Variants in ENOX1 observed in about 807,000 individuals in gnomAD.
ENOX1 encodes candidate growth-related and time keeping constitutive hydroquinone (NADH) oxidase.
ENOX1 carries 42 observed loss-of-function variants against 82.5 expected under a neutral mutation model. The ratio of observed to expected loss-of-function variants is 0.51; its 90% CI spans 0.40 to 0.66. The LOEUF is 0.66. Among genes scored for constraint, ENOX1 ranks in the 30% least tolerant of loss-of-function variants. The pLI is 0.00. For synonymous variants in ENOX1, 271 were observed against 282.2 expected, an observed-to-expected ratio of 0.96 and a Z score of 0.40; for missense variants, 608 against 811.6, an observed-to-expected ratio of 0.75 and a Z score of 3.05.
intron 3 of ENOX1, among the ~76,000 whole-genome samples, chr13:43,463,674 C>G (rs576052351): frequency 6.6e-5 from 10 of 152,304 alleles, no homozygotes; most frequent in African/African-American, 2.4e-4. Flanking sequence ...AAATACCCAA[C>G]CCCTCTCAAT....
At chr13:43,350,736 C>T (rs911150656) in intron 8 of ENOX1, among the ~76,000 whole-genome samples, 15 of 152,216 alleles carry the variant, frequency 9.9e-5, no homozygotes, top group African/African-American at 1.9e-4. Flanking sequence ...TGAGCCACTA[C>T]GCCCGGCTGG....
At chr13:43,287,619 T>C (rs2045772884) in intron 12 of ENOX1, among the ~76,000 whole-genome samples, 1 of 152,230 alleles carries the variant, frequency 6.6e-6, no homozygotes, top group African/African-American at 2.4e-5. Context: ...GTGGCATCAG[T>C]ACGGCTTATC....
chr13:43,597,407 A>G (rs1037618808), intron 2 of ENOX1, among the ~76,000 whole-genome samples: 1 of 152,174 alleles, frequency 6.6e-6, no homozygotes, highest in African/African-American at 2.4e-5. Flanking sequence ...ATCAGGTCTG[A>G]CTGACTTCTA....
intron 7 of ENOX1, among the ~76,000 whole-genome samples, chr13:43,356,982 C>T (rs1047024582): frequency 6.6e-6 from 1 of 152,116 alleles, no homozygotes; most frequent in Non-Finnish European, 1.5e-5. Context: ...GTGAGCTACC[C>T]AACTTAGATA....
At chr13:43,622,557 C>A (rs1566655704) in intron 2 of ENOX1, among the ~76,000 whole-genome samples, 1 of 152,178 alleles carries the variant, frequency 6.6e-6, no homozygotes, top group African/African-American at 2.4e-5. Flanking sequence ...TGGCTCCAGG[C>A]TGGTAATGGG....
chr13:43,326,247 C>T (rs1272203148), intron 10 of ENOX1, among the ~76,000 whole-genome samples, 172 bp downstream of exon 10: 1 of 152,204 alleles, frequency 6.6e-6, no homozygotes, highest in Admixed American at 6.5e-5. Flanking sequence ...GTTAAGTCAG[C>T]TGCTTTTCTG....
At chr13:43,216,246 T>C (rs2041477727) in intron 16 of ENOX1, among the ~76,000 whole-genome samples, 1 of 152,170 alleles carries the variant, frequency 6.6e-6, no homozygotes. Context: ...TTACTCTGGC[T>C]AGGCCTCAAG....
rs187521257 is a variant in ENOX1, at chr13:43,286,158, C to G, written c.1446+12188G>C. The stretch of plus-strand genomic sequence containing the variant: ...GAGTCGGCTTCTTGGCATTGGTAGA[C>G]TAGAAAGAAATGAAGTCAAAGCCAG... On this transcript the variant is annotated intron_variant, in intron 12 of 16. Transcript: ENST00000690772. Among the ~76,000 whole-genome samples the G allele has an allele frequency of 5.5e-4, 83 of 152,204 alleles. 1 individual carries two copies. Among genetic ancestry groups the G allele is most frequent in the Admixed American group, 4.7e-3 (72 of 15,286 alleles).
At chr13:43,729,460 T>A (rs1289411696) in intron 1 of ENOX1, among the ~76,000 whole-genome samples, 1 of 152,264 alleles carries the variant, frequency 6.6e-6, no homozygotes, top group South Asian at 2.1e-4. Flanking sequence ...AAAAAAATGA[T>A]TTGGAAACAT....
intron 2 of ENOX1, among the ~76,000 whole-genome samples, chr13:43,666,630 TC>T (rs1358992075): frequency 1.3e-5 from 2 of 152,194 alleles, no homozygotes; most frequent in Non-Finnish European, 2.9e-5. Flanking sequence ...ACTTTGGACT[TC>T]TAGAATCCAG....
At chr13:43,377,951 T>G (rs569657543) in intron 5 of ENOX1, among the ~76,000 whole-genome samples, 1 of 152,286 alleles carries the variant, frequency 6.6e-6, no homozygotes, top group South Asian at 2.1e-4. Flanking sequence ...TTCTGCTTGG[T>G]CAGTGCCCAA....
rs1049707337 is a variant in ENOX1 at position 43,463,786 on chromosome 13, C to T, written c.-75+20223G>A. On this transcript the variant is annotated intron_variant, in intron 3 of 16. Transcript: ENST00000690772. ...ACTGGGATCAATTTGCTTATTAAAA[C>T]GTTGAATTTGTATTTTCATGACAAC... 7.2e-5 allele frequency among the ~76,000 whole-genome samples: 11 copies of T among 152,062 alleles called. No homozygotes were observed. The East Asian group carries it at 1.2e-3, about 16-fold the overall frequency.
At chr13:43,692,689 T>C (rs1316049750) in intron 1 of ENOX1, among the ~76,000 whole-genome samples, 2 of 152,200 alleles carry the variant, frequency 1.3e-5, no homozygotes, top group African/African-American at 4.8e-5. Context: ...TCTAAATTTA[T>C]GTAAAATTTT....
intron 14 of ENOX1, among the ~76,000 whole-genome samples, chr13:43,250,992 AT>A (rs1413733603): frequency 6.6e-6 from 1 of 152,186 alleles, no homozygotes; most frequent in Non-Finnish European, 1.5e-5. Flanking sequence ...CTTACTAGAA[AT>A]GCAAATTCTC....
intron 1 of ENOX1, among the ~76,000 whole-genome samples, chr13:43,766,038 G>A (rs1951242319): frequency 1.3e-5 from 2 of 152,136 alleles, no homozygotes; most frequent in Admixed American, 1.3e-4. Flanking sequence ...AGAATCATTA[G>A]TCATTTTATA....
intron 12 of ENOX1, among the ~76,000 whole-genome samples, chr13:43,283,362 T>C (rs189926526): frequency 2.0e-5 from 3 of 152,244 alleles, no homozygotes; most frequent in Admixed American, 2.0e-4. Flanking sequence ...TTTGGCTGTG[T>C]TGATCTTCTC....
intron 2 of ENOX1, among the ~76,000 whole-genome samples, chr13:43,659,349 T>A (rs1337561708): frequency 6.6e-6 from 1 of 151,608 alleles, no homozygotes; most frequent in Non-Finnish European, 1.5e-5. Flanking sequence ...ATTAGCCAGG[T>A]GGTAGTGGCA....
intron 3 of ENOX1, among the ~76,000 whole-genome samples, chr13:43,445,101 A>G (rs1395820092): frequency 6.7e-6 from 1 of 150,146 alleles, no homozygotes; most frequent in Admixed American, 6.7e-5. Context: ...ACTATGTTCT[A>G]GAGAAATGTT....
At chr13:43,527,623 C>T (rs1426193377) in intron 2 of ENOX1, among the ~76,000 whole-genome samples, 1 of 151,974 alleles carries the variant, frequency 6.6e-6, no homozygotes, top group African/African-American at 2.4e-5. Context: ...TTTTTGGTTT[C>T]GTCACTGAAA....
Sources: allele counts gnomAD v4.1 joint callset (sites outside exome capture counted in the v4.1 genomes callset), GRCh38; gene constraint gnomAD v4.1.1; transcripts MANE v1.5; gene names NCBI Gene and HGNC (gene_info 2026-07-23, HGNC 2026-07-21).